SAMD4B: variants seen among roughly 807,000 people sequenced by gnomAD.
SAMD4B encodes the protein protein Smaug homolog 2.
A neutral mutation model predicts 74.5 loss-of-function variants in SAMD4B; 5 were observed. The ratio of observed to expected loss-of-function variants is 0.07; its 90% CI spans 0.04 to 0.14. The LOEUF (loss-of-function observed/expected upper bound fraction) is 0.14, where lower values mean the gene tolerates loss of function less well. Among genes scored for constraint, SAMD4B ranks in the 10% least tolerant of loss-of-function variants. The probability of loss-of-function intolerance (pLI) is 1.00; values close to 1 mark genes in which losing one functional copy is unlikely to be tolerated. For missense variants in SAMD4B, 608 were observed against 921.8 expected (o/e 0.66, Z 4.41); for synonymous variants, 373 against 374.9 (o/e 1.00, Z 0.06).
intron 3 of SAMD4B, among the ~76,000 whole-genome samples, chr19:39,360,601 C>G (rs1239139036): frequency 2.0e-5 from 3 of 152,134 alleles, no homozygotes; most frequent in African/African-American, 7.2e-5. Context: ...GACCTGAGGG[C>G]TCTAAGACTA....
chr19:39,379,891 A>G, intron 9 of SAMD4B, 75 bp from the exon 10 acceptor site: 1 of 1,268,074 alleles, frequency 7.9e-7, no homozygotes, highest in Non-Finnish European at 1.1e-6. Flanking sequence ...ATTTGAACAA[A>G]TGAATGGAAG....
rs1309618201 is a variant in SAMD4B, at chr19:39,369,987, G to T, written c.529G>T (p.Gly177Cys). 2 of 1,613,392 alleles carry T rather than the reference G, an allele frequency of 1.2e-6. No homozygotes were observed. The highest frequency in any genetic ancestry group is 8.5e-7 in the Non-Finnish European group (1 of 1,179,746). Residue 177 changes from glycine to cysteine, a missense_variant, in exon 4 of 14, where the codon GGC becomes TGC. Around this residue, in one of 9 missense-constraint regions of SAMD4B, gnomAD observed 153 missense variants for 153.0 expected, o/e 1.00. Transcript: ENST00000610417. ...ACGTCAAGGCTCAGATGAGTGGGGG[G>T]GCCCTGCAGAGCTAGGCCCTGGGGA... ...HSRQGSDEWG[G>C]PAELGPGEAG...
At chr19:39,361,188 C>A (rs1376966901) in intron 3 of SAMD4B, among the ~76,000 whole-genome samples, 1 of 152,162 alleles carries the variant, frequency 6.6e-6, no homozygotes, top group Non-Finnish European at 1.5e-5. Context: ...GCACATTATT[C>A]TAGGGCAAGA....
intron 3 of SAMD4B, among the ~76,000 whole-genome samples, chr19:39,368,672 G>A (rs1163928062): frequency 2.0e-5 from 3 of 152,200 alleles, no homozygotes; most frequent in Admixed American, 6.5e-5. Flanking sequence ...GTATGGGATC[G>A]ATTGGAAGGG....
intron 5 of SAMD4B, 73 bp from the exon 6 acceptor site, chr19:39,376,364 C>A: frequency 7.9e-7 from 1 of 1,268,522 alleles, no homozygotes; most frequent in Non-Finnish European, 1.1e-6. Flanking sequence ...GTGGGTTTAT[C>A]CCCACAACTT....
chr19:39,372,081 C>T (rs1289782176), intron 4 of SAMD4B, among the ~76,000 whole-genome samples: 6 of 152,080 alleles, frequency 3.9e-5, no homozygotes, highest in East Asian at 1.9e-4. Context: ...ATGGGTACCC[C>T]AGCAGCCATT....
chr19:39,377,538 C>G lies in SAMD4B; in HGVS notation c.1158C>G (p.Ile386Met), dbSNP rs1453082060. The change falls in exon 8 of 14, where the codon ATC (isoleucine) becomes ATG (methionine). Residue 386 changes from isoleucine (I) to methionine (M), a missense_variant. Coordinates refer to ENST00000610417, the MANE Select transcript of SAMD4B (RefSeq NM_001384574.2). ...LRNALQELQQ[I>M]IITPIKAYSV... Reference sequence around the variant, plus strand: ...ACGCTCTGCAGGAGCTGCAGCAGATCATCATCACTCCCATCAAGGCCTACA... The same window carrying G: ...ACGCTCTGCAGGAGCTGCAGCAGATGATCATCACTCCCATCAAGGCCTACA... 6.2e-7 allele frequency: 1 copy of G among 1,600,338 alleles called. No individual in the cohort carries two copies. The highest frequency in any genetic ancestry group is 8.5e-7 in the Non-Finnish European group (1 of 1,170,126).
chr19:39,377,920 G>C (rs1251166974), intron 8 of SAMD4B, 96 bp downstream of exon 8: 8 of 1,224,940 alleles, frequency 6.5e-6, no homozygotes, highest in Non-Finnish European at 9.1e-6. Context: ...GTGGGAGCAG[G>C]GCTTTGTAAA....
Position 39,370,083 on chromosome 19 carries a change from G to C in SAMD4B, c.625G>C (p.Val209Leu), listed in dbSNP as rs1256498221. Residue 209 changes from valine (V) to leucine (L), a missense_variant, in exon 4 of 14, where the codon GTG becomes CTG. By Grantham distance (32) the Val-to-Leu change is conservative. Coordinates refer to ENST00000610417, the MANE Select transcript of SAMD4B (RefSeq NM_001384574.2). ...CGTGCCCTTCCACCCATCCAGCTCA[G>C]TGCCGCCAGCCATCAACAGTATTGG... is the stretch of plus-strand genomic sequence containing the variant. ...GHVPFHPSSS[V>L]PPAINSIGSN... 6.2e-7 allele frequency: 1 copy of C among 1,607,586 alleles called. No homozygotes were observed. The highest frequency in any genetic ancestry group is 8.5e-7 in the Non-Finnish European group (1 of 1,177,038).
At chr19:39,359,026 C>T (rs963541272) in intron 3 of SAMD4B, among the ~76,000 whole-genome samples, 9 of 152,350 alleles carry the variant, frequency 5.9e-5, no homozygotes, top group Non-Finnish European at 1.3e-4. Context: ...GCAGTAAGTT[C>T]TTAGTCCTAG....
In SAMD4B at chr19:39,370,077, A is replaced by G. The variant is rs777616036; in HGVS notation, c.619A>G (p.Ser207Gly). ...TGGACACGTGCCCTTCCACCCATCC[A>G]GCTCAGTGCCGCCAGCCATCAACAG... is the stretch of plus-strand genomic sequence containing the variant. ...ENGHVPFHPS[S>G]SVPPAINSIG... Residue 207 changes from serine (S) to glycine (G), a missense_variant, in exon 4 of 14, where the codon AGC becomes GGC. By Grantham distance (56) the Ser-to-Gly change is moderately conservative (BLOSUM62 0). Transcript: ENST00000610417. The G allele has an allele frequency of 5.6e-5, 90 of 1,609,354 alleles. No homozygotes were observed. The highest frequency in any genetic ancestry group is 6.7e-5 in the Admixed American group (4 of 59,480).
chr19:39,360,865 A>T (rs1394023136), intron 3 of SAMD4B, among the ~76,000 whole-genome samples: 2 of 152,104 alleles, frequency 1.3e-5, no homozygotes, highest in Non-Finnish European at 2.9e-5. Context: ...ACTAAATCAG[A>T]ATCCTGAGGG....
At chr19:39,367,803 CCAG>C (rs1414679772) in intron 3 of SAMD4B, among the ~76,000 whole-genome samples, 2 of 151,512 alleles carry the variant, frequency 1.3e-5, no homozygotes, top group African/African-American at 4.8e-5. Flanking sequence ...GCCACCACGC[CCAG>C]TGCTAATAAG....
rs75463758 is a variant in SAMD4B at position 39,383,460 on chromosome 19, G to C, written c.2057-39G>C. 0.011 allele frequency: 18,368 copies of C among 1,610,168 alleles called. 597 individuals are homozygous for C. The highest frequency in any genetic ancestry group is 0.096 in the African/African-American group (7,201 of 74,916). Reference sequence around the variant, plus strand: ...GTGCCTTTTCTTGGGCCTCCCTCCAGCTCCTGATCTTCCTCCCTTCCTCCC... The same window carrying C: ...GTGCCTTTTCTTGGGCCTCCCTCCACCTCCTGATCTTCCTCCCTTCCTCCC... On this transcript the variant is annotated intron_variant, in intron 13 of 13. Coordinates refer to ENST00000610417, the MANE Select transcript of SAMD4B (RefSeq NM_001384574.2). This position sits in a 1 kb window ranked among gnomAD's most constrained non-coding sequence, Gnocchi z 4.1.
At chr19:39,389,043 G>A (rs1471301333), downstream of SAMD4B, 1 of 1,613,370 alleles carries the variant, frequency 6.2e-7, no homozygotes, top group Admixed American at 1.7e-5. This position sits in a 1 kb window ranked among gnomAD's most constrained non-coding sequence, Gnocchi z 5.3. Flanking sequence ...AGGTGAGGAG[G>A]AGCTCTGCAG....
At chr19:39,377,936 C>A in intron 8 of SAMD4B, 112 bp downstream of exon 8, 1 of 1,027,080 alleles carries the variant, frequency 9.7e-7, no homozygotes, top group Non-Finnish European at 1.4e-6. Flanking sequence ...GTAAAGCCTA[C>A]TGGAGACTGG....
intron 1 of SAMD4B, among the ~76,000 whole-genome samples, chr19:39,344,279 T>A (rs2075553611): frequency 6.6e-6 from 1 of 151,990 alleles, no homozygotes; most frequent in African/African-American, 2.4e-5. Flanking sequence ...TGAAAAACCC[T>A]CTCCTCTGAC....
chr19:39,385,683 A>C lies in SAMD4B; in HGVS notation c.*2156A>C, dbSNP rs954064327. On this transcript the variant is annotated 3_prime_UTR_variant, in exon 14 of 14. Coordinates refer to ENST00000610417, the MANE Select transcript of SAMD4B (RefSeq NM_001384574.2). ...TGGGCTTATTTTGGAAAAAAAAAAA[A>C]CAAACAAAAAAAACGAATTCTGACC... is the stretch of plus-strand genomic sequence containing the variant. 2.1e-5 allele frequency: 11 copies of C among 535,092 alleles called. No homozygotes were observed. The highest frequency in any genetic ancestry group is 3.3e-5 in the Non-Finnish European group (10 of 305,232). 33.1% of individuals were successfully genotyped at this position (535,092 alleles called of 1,614,324 possible).
At chr19:39,369,303 G>C (rs2077153712) in intron 3 of SAMD4B, 1 of 312,494 alleles carries the variant, frequency 3.2e-6, no homozygotes, top group Admixed American at 4.8e-5. Context: ...CTAGGAGTGG[G>C]GGACCACCAG....
Sources: allele counts gnomAD v4.1 joint callset (sites outside exome capture counted in the v4.1 genomes callset), GRCh38; gene constraint gnomAD v4.1.1; regional missense constraint gnomAD v4.1.1; non-coding constraint Gnocchi (gnomAD v3.1); transcripts MANE v1.5; gene names NCBI Gene and HGNC (gene_info 2026-07-23, HGNC 2026-07-21).